The following EGFLAM variants were observed in gnomAD, a reference collection of about 807,000 sequenced individuals.
EGFLAM encodes the protein pikachurin.
EGFLAM carries 79 observed loss-of-function variants against 113.1 expected under a neutral mutation model. The ratio of observed to expected loss-of-function variants is 0.70; its 90% confidence interval spans 0.58 to 0.84. The LOEUF (loss-of-function observed/expected upper bound fraction) is 0.84, where lower values mean the gene tolerates loss of function less well. EGFLAM is among the 40% of genes least tolerant of loss of function. The probability of loss-of-function intolerance (pLI) is 0.00; values close to 1 mark genes in which losing one functional copy is unlikely to be tolerated. For synonymous variants in EGFLAM, 504 were observed against 487.6 expected (o/e 1.03, Z -0.44); for missense variants, 1,265 against 1,291.6 (o/e 0.98, Z 0.32).
At chr5:38,454,066 A>G (rs1743007393) in intron 19 of EGFLAM, among the ~76,000 whole-genome samples, 1 of 152,128 alleles carries the variant, frequency 6.6e-6, no homozygotes, top group South Asian at 2.1e-4. Flanking sequence ...ACCCAGGCCG[A>G]GGTCGACTTC....
At chr5:38,417,347 C>CAA (rs752613827) in intron 11 of EGFLAM, among the ~76,000 whole-genome samples, 2,588 of 78,496 alleles carry the variant, frequency 0.033, 137 homozygotes, top group Middle Eastern at 0.079. Flanking sequence ...GACTCTGTCT[C>CAA]AAAAAAAAAA....
intron 17 of EGFLAM, among the ~76,000 whole-genome samples, chr5:38,445,235 G>C (rs1220503303): frequency 1.3e-5 from 2 of 152,146 alleles, no homozygotes; most frequent in Non-Finnish European, 2.9e-5. Context: ...GAGGCAGCTA[G>C]CTGGCTTATC....
At chr5:38,452,725 G>T (rs1400606028) in intron 19 of EGFLAM, among the ~76,000 whole-genome samples, 3 of 152,222 alleles carry the variant, frequency 2.0e-5, no homozygotes, top group African/African-American at 7.2e-5. Context: ...ACAAAGCACA[G>T]ATTCATGTCT....
At chr5:38,378,729 C>T (rs996891089) in intron 6 of EGFLAM, among the ~76,000 whole-genome samples, 1 of 152,186 alleles carries the variant, frequency 6.6e-6, no homozygotes, top group African/African-American at 2.4e-5. Flanking sequence ...GTCTGAGGTC[C>T]AGGAAAACTG....
chr5:38,427,814 T>G (rs1742065733), intron 14 of EGFLAM, among the ~76,000 whole-genome samples: 1 of 152,176 alleles, frequency 6.6e-6, no homozygotes, highest in Admixed American at 6.5e-5. Flanking sequence ...AAGAAAGATG[T>G]GTGATGAGTG....
intron 1 of EGFLAM, among the ~76,000 whole-genome samples, chr5:38,334,550 A>G (rs557108609): frequency 6.6e-6 from 1 of 152,242 alleles, no homozygotes; most frequent in Non-Finnish European, 1.5e-5. Flanking sequence ...ATATGATTAC[A>G]TTAGGAATTA....
At chr5:38,428,585 C>A (rs1031004359) in intron 14 of EGFLAM, among the ~76,000 whole-genome samples, 1 of 152,214 alleles carries the variant, frequency 6.6e-6, no homozygotes, top group Non-Finnish European at 1.5e-5. Flanking sequence ...TATCACCTTG[C>A]ACTTTTAAAT....
At chr5:38,356,843 C>A (rs531222253) in intron 5 of EGFLAM, among the ~76,000 whole-genome samples, 1 of 152,192 alleles carries the variant, frequency 6.6e-6, no homozygotes, top group Non-Finnish European at 1.5e-5. Context: ...GCTGAAACTG[C>A]AGTTTGTGTG....
chr5:38,385,237 C>T (rs2112072525), intron 6 of EGFLAM, among the ~76,000 whole-genome samples: 1 of 149,956 alleles, frequency 6.7e-6, no homozygotes, highest in East Asian at 2.0e-4. Flanking sequence ...AGTCATTTCT[C>T]TGTATTCATG....
At chr5:38,418,370 T>C (rs1395133715) in intron 12 of EGFLAM, 115 bp downstream of exon 12, 2 of 1,330,264 alleles carry the variant, frequency 1.5e-6, no homozygotes, top group Non-Finnish European at 1.0e-6. Flanking sequence ...CCTGGGAAGC[T>C]GGTACCTTCA....
intron 1 of EGFLAM, among the ~76,000 whole-genome samples, chr5:38,322,237 A>G (rs1332899899): frequency 6.6e-6 from 1 of 152,176 alleles, no homozygotes; most frequent in East Asian, 1.9e-4. Flanking sequence ...GGCTAGCAGC[A>G]CAGTTCACCC....
chr5:38,430,038 A>G, intron 14 of EGFLAM: 1 of 224,534 alleles, frequency 4.5e-6, no homozygotes. Flanking sequence ...CCAAGGGGAT[A>G]TCCGGTGGCT....
chr5:38,325,177 A>T (rs1738847253), intron 1 of EGFLAM, among the ~76,000 whole-genome samples: 1 of 152,144 alleles, frequency 6.6e-6, no homozygotes, highest in Non-Finnish European at 1.5e-5. Context: ...GTCACCAGGA[A>T]CATCAATGTG....
rs140123325 is a variant in EGFLAM, at chr5:38,367,080, C to T, written c.546-3216C>T. Among the ~76,000 whole-genome samples, 282 of 152,234 alleles carry T rather than the reference C, an allele frequency of 1.9e-3. 1 individual carries two copies. The highest frequency in any genetic ancestry group is 6.4e-3 in the African/African-American group (264 of 41,550). On this transcript the variant is annotated intron_variant, in intron 5 of 21. Coordinates refer to ENST00000322350, the MANE Select transcript of EGFLAM (RefSeq NM_152403.4). The stretch of plus-strand genomic sequence containing the variant: ...TCTCCTGAGGTATAGGGTGCCTGGC[C>T]CAACCCTATCTCACTACTTGGCAAA...
chr5:38,334,753 T>C (rs573536219), intron 1 of EGFLAM, among the ~76,000 whole-genome samples: 1 of 152,326 alleles, frequency 6.6e-6, no homozygotes, highest in African/African-American at 2.4e-5. Context: ...GGTGGGGCTG[T>C]GTTACTTTAT....
rs138833468 is a variant in EGFLAM, at chr5:38,427,115, C to T, written c.1917C>T (p.Ile639=). Reference sequence around the variant, plus strand: ...ACCTTTCCTTCATGGAATTTGAGATCACATTTCGGCCAGACTCAGGAGATG... The same window carrying T: ...ACCTTTCCTTCATGGAATTTGAGATTACATTTCGGCCAGACTCAGGAGATG... ...QHYLSFMEFE[I]TFRPDSGDGV... Residue 639 remains isoleucine, a synonymous_variant, in exon 14 of 22, where the codon ATC becomes ATT. Transcript: ENST00000322350. 3.2e-4 allele frequency: 521 copies of T among 1,613,994 alleles called. 1 individual carries two copies. The highest frequency in any genetic ancestry group is 3.0e-4 in the Non-Finnish European group (357 of 1,180,044).
At chr5:38,394,376 T>C (rs567060288) in intron 6 of EGFLAM, among the ~76,000 whole-genome samples, 2 of 151,724 alleles carry the variant, frequency 1.3e-5, no homozygotes, top group Non-Finnish European at 2.9e-5. Context: ...ACGTGTTACT[T>C]TTTGGTATTT....
intron 6 of EGFLAM, among the ~76,000 whole-genome samples, chr5:38,383,414 CTT>C (rs78824068): frequency 3.0e-4 from 41 of 134,886 alleles, no homozygotes; most frequent in Admixed American, 4.4e-4. Flanking sequence ...TTTGTCAGGC[CTT>C]TTTTTTTTTT....
chr5:38,394,412 A>ATT lies in EGFLAM; in HGVS notation c.713-11703_713-11702dup, dbSNP rs11438127. 5.0e-3 allele frequency among the ~76,000 whole-genome samples: 702 copies of ATT among 140,678 alleles called. 6 individuals are homozygous for ATT. The highest frequency in any genetic ancestry group is 0.017 in the African/African-American group (666 of 38,658). The allele number at this position is 140,678 out of a possible 152,430, so 92.3% of individuals were successfully genotyped here. A position where few individuals can be genotyped will look rare whatever the true frequency, so the allele number is the denominator to read the frequency against. ...TTGTTCTATCTTGTTTAGTAACCAC[A>ATT]TTTTTTTTTTTTAATGAGACGGAGT... On this transcript the variant is annotated intron_variant, in intron 6 of 21. Coordinates refer to ENST00000322350, the MANE Select transcript of EGFLAM (RefSeq NM_152403.4).
Sources: gnomAD v4.1 joint callset for allele counts (sites outside exome capture counted in the v4.1 genomes callset) on GRCh38, gnomAD v4.1.1 for gene constraint, MANE v1.5 for transcripts, NCBI Gene and HGNC (gene_info 2026-07-23, HGNC 2026-07-21) for gene names.